RFX7: variants seen among roughly 807,000 people sequenced by gnomAD.
The protein encoded by RFX7 is regulatory factor X7.
A neutral mutation model predicts 111.8 loss-of-function variants in RFX7; 26 were observed. The ratio of observed to expected loss-of-function variants is 0.23; its 90% CI spans 0.17 to 0.32. RFX7 has a LOEUF of 0.32. Among genes scored for constraint, RFX7 ranks in the 10% least tolerant of loss-of-function variants. The probability of loss-of-function intolerance (pLI) is 1.00; values close to 1 mark genes in which losing one functional copy is unlikely to be tolerated. For synonymous variants in RFX7, 624 were observed against 624.4 expected (o/e 1.00, Z 0.01); for missense variants, 1,573 against 1,772.9 (o/e 0.89, Z 2.02).
At chr15:56,123,850 A>C (rs1396753321) in intron 5 of RFX7, among the ~76,000 whole-genome samples, 1 of 152,138 alleles carries the variant, frequency 6.6e-6, no homozygotes, top group Non-Finnish European at 1.5e-5. Flanking sequence ...GTTCCAATGC[A>C]AAGTTCCACA....
Position 56,093,288 on chromosome 15 carries a change from G to C in RFX7, c.*57C>G. 1 of 1,419,966 alleles carries C rather than the reference G, an allele frequency of 7.0e-7. No individual in the cohort carries two copies. The highest frequency in any genetic ancestry group is 9.4e-7 in the Non-Finnish European group (1 of 1,058,322). 88.0% of individuals were successfully genotyped at this position (1,419,966 alleles called of 1,614,324 possible). ...CTGCTGCGGGAGGCACTTCCATTAA[G>C]ACAAATACAATACATATGTCTTTAG... On this transcript the variant is annotated 3_prime_UTR_variant, in exon 10 of 10. Transcript: ENST00000559447.
Position 56,179,363 on chromosome 15 carries a change from T to C in RFX7, c.162-60A>G, listed in dbSNP as rs560460036. 6.6e-6 allele frequency: 5 copies of C among 754,924 alleles called. No individual in the cohort carries two copies. In the African/African-American group the frequency reaches 9.5e-5, roughly 14 times the overall value. 46.8% of individuals were successfully genotyped at this position (754,924 alleles called of 1,614,324 possible). On this transcript the variant is annotated intron_variant, in intron 2 of 9. Transcript: ENST00000559447. Reference sequence around the variant, plus strand: ...AAAGTTTATTAACTATCTGCAATATTCTCAAAAAGATGTGGTAATTTAGTC... The same window carrying C: ...AAAGTTTATTAACTATCTGCAATATCCTCAAAAAGATGTGGTAATTTAGTC...
At chr15:56,111,328 C>T (rs1225368081) in intron 5 of RFX7, among the ~76,000 whole-genome samples, 2 of 151,980 alleles carry the variant, frequency 1.3e-5, no homozygotes, top group East Asian at 3.9e-4. Flanking sequence ...CCTTGGGATC[C>T]TGTTGATCTG....
chr15:56,170,346 A>C (rs2042832435), intron 3 of RFX7, among the ~76,000 whole-genome samples: 1 of 152,234 alleles, frequency 6.6e-6, no homozygotes, highest in Non-Finnish European at 1.5e-5. Flanking sequence ...CTAAACTATA[A>C]GTACGTGTTA....
intron 2 of RFX7, among the ~76,000 whole-genome samples, chr15:56,217,709 A>G (rs1382678945): frequency 6.6e-6 from 1 of 152,214 alleles, no homozygotes; most frequent in African/African-American, 2.4e-5. Context: ...AGTGCATGAT[A>G]TGTACAATTT....
In RFX7 at chr15:56,091,426, T is replaced by C. The variant is rs1378239272; in HGVS notation, c.*1919A>G. ...AAATTTAAAGAGTTTGCTGCAATAC[T>C]GTACAAGGGGTTAAAAATCCTCCAG... is the stretch of plus-strand genomic sequence containing the variant. On this transcript the variant is annotated 3_prime_UTR_variant, in exon 10 of 10. Transcript: ENST00000559447. The C allele has an allele frequency of 6.6e-6, 1 of 152,530 alleles. No homozygotes were observed. Among genetic ancestry groups the C allele is most frequent in the Non-Finnish European group, 1.5e-5 (1 of 67,956 alleles). The allele number at this position is 152,530 out of a possible 1,614,324, so 9.4% of individuals were successfully genotyped here. A position where few individuals can be genotyped will look rare whatever the true frequency, so the allele number is the denominator to read the frequency against.
intron 2 of RFX7, among the ~76,000 whole-genome samples, chr15:56,203,788 C>A (rs1361900476): frequency 6.6e-6 from 1 of 152,158 alleles, no homozygotes; most frequent in Non-Finnish European, 1.5e-5. Context: ...AAAAGGGAAG[C>A]ATGAATAATC....
intron 5 of RFX7, among the ~76,000 whole-genome samples, chr15:56,105,645 T>A (rs779622918): frequency 6.6e-6 from 1 of 152,156 alleles, no homozygotes; most frequent in African/African-American, 2.4e-5. Context: ...ATTTTTTTTT[T>A]CATTAGTAAA....
chr15:56,126,949 T>C (rs2042152841), intron 5 of RFX7, among the ~76,000 whole-genome samples: 2 of 152,100 alleles, frequency 1.3e-5, no homozygotes, highest in Middle Eastern at 3.4e-3. Context: ...TGAATAGAAA[T>C]AAGCAGATGA....
chr15:56,183,657 C>G (rs567289585), intron 2 of RFX7, among the ~76,000 whole-genome samples: 1 of 152,262 alleles, frequency 6.6e-6, no homozygotes, highest in East Asian at 1.9e-4. Context: ...CATGACCCCC[C>G]TTGTTCATTT....
chr15:56,225,192 T>A (rs1383433738), intron 2 of RFX7, among the ~76,000 whole-genome samples: 1 of 152,186 alleles, frequency 6.6e-6, no homozygotes, highest in Non-Finnish European at 1.5e-5. Flanking sequence ...TTTTGTTTTT[T>A]AATCTGCCAC....
chr15:56,201,895 G>A (rs916245296), intron 2 of RFX7, among the ~76,000 whole-genome samples: 3 of 152,154 alleles, frequency 2.0e-5, no homozygotes, highest in African/African-American at 7.2e-5. Flanking sequence ...GCTGGGCACG[G>A]TGGCGGGCGC....
intron 5 of RFX7, among the ~76,000 whole-genome samples, chr15:56,121,004 TACTATGAGTAGTTTAC>T (rs1305737018): frequency 6.6e-6 from 1 of 152,220 alleles, no homozygotes; most frequent in Non-Finnish European, 1.5e-5. Context: ...TTAGTCTTCC[TACTATGAGTAGTTTAC>T]ACACCACAAT....
chr15:56,217,922 A>G (rs2043379508), intron 2 of RFX7, among the ~76,000 whole-genome samples: 1 of 152,074 alleles, frequency 6.6e-6, no homozygotes, highest in African/African-American at 2.4e-5. Context: ...CCCAGCGAGC[A>G]TTATGTAAGG....
chr15:56,224,930 C>T (rs2043466182), intron 2 of RFX7, among the ~76,000 whole-genome samples: 2 of 152,086 alleles, frequency 1.3e-5, no homozygotes, highest in African/African-American at 4.8e-5. Context: ...AAACAGCTAA[C>T]CAACTGCACT....
At chr15:56,105,208 G>T (rs1173983560) in intron 5 of RFX7, among the ~76,000 whole-genome samples, 1 of 152,122 alleles carries the variant, frequency 6.6e-6, no homozygotes, top group Non-Finnish European at 1.5e-5. Context: ...ATTTTTGAAA[G>T]GATCTCTTCC....
intron 5 of RFX7, among the ~76,000 whole-genome samples, chr15:56,111,200 TAGAAAGGGG>T (rs1396708957): frequency 8.4e-5 from 12 of 143,522 alleles, no homozygotes; most frequent in Non-Finnish European, 1.4e-4. Context: ...TTTTGTGGAA[TAGAAAGGGG>T]GGAAAGGTGG....
chr15:56,212,981 A>C (rs2043327708), intron 2 of RFX7, among the ~76,000 whole-genome samples: 1 of 152,226 alleles, frequency 6.6e-6, no homozygotes, highest in African/African-American at 2.4e-5. Context: ...ACTGTATACT[A>C]TATACCTATA....
chr15:56,137,012 G>A (rs1488598856), intron 5 of RFX7, among the ~76,000 whole-genome samples: 13 of 151,690 alleles, frequency 8.6e-5, no homozygotes, highest in East Asian at 1.9e-4. Context: ...TGCTGGATTC[G>A]TTTTGCCAGT....
Sources: gnomAD v4.1 joint callset for allele counts (sites outside exome capture counted in the v4.1 genomes callset) on GRCh38, gnomAD v4.1.1 for gene constraint, MANE v1.5 for transcripts, NCBI Gene and HGNC (gene_info 2026-07-23, HGNC 2026-07-21) for gene names.